CHRM3: variants seen among roughly 807,000 people sequenced by gnomAD.
CHRM3 encodes the protein muscarinic acetylcholine receptor M3.
Under a neutral mutation model 41.8 loss-of-function variants are expected in CHRM3, and 11 were observed. The observed-to-expected ratio is 0.26, with a 90% CI of 0.17 to 0.44. CHRM3 has a LOEUF of 0.44. Ranked by LOEUF, CHRM3 falls within the 20% of genes least tolerant of loss-of-function variation. CHRM3 has a pLI of 1.00. For missense variants in CHRM3, 571 were observed against 745.4 expected (o/e 0.77, Z 2.72); for synonymous variants, 297 against 301.4 (o/e 0.99, Z 0.15).
At chr1:239,676,048 C>T (rs1290633137) in intron 4 of CHRM3, among the ~76,000 whole-genome samples, 2 of 152,182 alleles carry the variant, frequency 1.3e-5, no homozygotes, top group Non-Finnish European at 2.9e-5. Flanking sequence ...CCCGCATATC[C>T]ATGCCCACTA....
intron 5 of CHRM3, chr1:239,826,821 G>A (rs899453471): frequency 5.9e-5 from 9 of 152,122 alleles, no homozygotes; most frequent in Non-Finnish European, 1.0e-4. Flanking sequence ...GAAAAGACAT[G>A]AACCAATAAA....
intron 5 of CHRM3, among the ~76,000 whole-genome samples, chr1:239,694,796 A>G (rs545516707): frequency 6.6e-6 from 1 of 152,348 alleles, no homozygotes; most frequent in African/African-American, 2.4e-5. Flanking sequence ...TTTTCAATAT[A>G]AACAAAAATC....
chr1:239,404,683 G>C (rs1660427447), intron 1 of CHRM3, among the ~76,000 whole-genome samples: 1 of 137,230 alleles, frequency 7.3e-6, no homozygotes, highest in African/African-American at 2.7e-5. Flanking sequence ...AAATTAAGTT[G>C]AAACCGCTTC....
At chr1:239,488,411 G>A (rs149369806) in intron 1 of CHRM3, among the ~76,000 whole-genome samples, 92 of 152,108 alleles carry the variant, frequency 6.0e-4, no homozygotes, top group African/African-American at 2.0e-3. Context: ...TGGAATTAAA[G>A]CAATTAAAAA....
chr1:239,751,155 T>C (rs1665787422), intron 5 of CHRM3, among the ~76,000 whole-genome samples: 1 of 151,780 alleles, frequency 6.6e-6, no homozygotes, highest in Non-Finnish European at 1.5e-5. Flanking sequence ...GGAGAATTGC[T>C]TGAACCCGGG....
intron 3 of CHRM3, among the ~76,000 whole-genome samples, chr1:239,568,384 C>G (rs1661550175): frequency 6.6e-6 from 1 of 152,136 alleles, no homozygotes; most frequent in African/African-American, 2.4e-5. Context: ...AGGGGAGACC[C>G]TTTTCGCTTG....
chr1:239,437,567 C>T (rs1663371796), intron 1 of CHRM3, among the ~76,000 whole-genome samples: 2 of 152,186 alleles, frequency 1.3e-5, no homozygotes, highest in East Asian at 3.9e-4. Context: ...GACGGAGTCT[C>T]TCTCTGTCAC....
intron 5 of CHRM3, among the ~76,000 whole-genome samples, chr1:239,701,645 T>C (rs1660697388): frequency 6.6e-6 from 1 of 152,198 alleles, no homozygotes; most frequent in African/African-American, 2.4e-5. Flanking sequence ...TCCTAAAATA[T>C]CACATTCATC....
At chr1:239,635,550 A>G (rs1367971498) in intron 4 of CHRM3, among the ~76,000 whole-genome samples, 3 of 152,168 alleles carry the variant, frequency 2.0e-5, no homozygotes, top group Non-Finnish European at 2.9e-5. Flanking sequence ...ACCGCTCTCT[A>G]AATAACCACT....
intron 3 of CHRM3, among the ~76,000 whole-genome samples, chr1:239,585,346 G>A (rs925128090): frequency 9.2e-5 from 14 of 152,212 alleles, no homozygotes; most frequent in African/African-American, 3.4e-4. Context: ...GGTGTGAGTT[G>A]AGATATGTTT....
chr1:239,493,081 AG>A (rs1379324430), intron 2 of CHRM3, among the ~76,000 whole-genome samples: 6 of 152,266 alleles, frequency 3.9e-5, no homozygotes, highest in Admixed American at 3.3e-4. Flanking sequence ...AACTGAAGTT[AG>A]GCCACAGATT....
At chr1:239,682,143 A>T (rs770893924) in intron 5 of CHRM3, among the ~76,000 whole-genome samples, 21 of 152,212 alleles carry the variant, frequency 1.4e-4, no homozygotes, top group Non-Finnish European at 2.8e-4. Context: ...CACACTGAGC[A>T]TCTCTAGAGG....
rs1033904661 is a variant in CHRM3 at position 239,535,013 on chromosome 1, G to A, written c.-421-10628G>A. On this transcript the variant is annotated intron_variant, in intron 2 of 6. Transcript: ENST00000676153. ...CTAGGTGCTGGACATATAGTAGTGAGAAAGAGTCCCTGCCCTCAGGCAGCT... is the reference window on the plus strand; with the variant it reads ...CTAGGTGCTGGACATATAGTAGTGAAAAAGAGTCCCTGCCCTCAGGCAGCT... Among the ~76,000 whole-genome samples, 5 of 152,178 alleles carry A rather than the reference G, an allele frequency of 3.3e-5. No homozygotes were observed. In the South Asian group the frequency reaches 1.0e-3, roughly 31 times the overall value.
intron 5 of CHRM3, among the ~76,000 whole-genome samples, chr1:239,699,065 T>A (rs966425973): frequency 6.6e-6 from 1 of 152,212 alleles, no homozygotes; most frequent in Admixed American, 6.5e-5. Flanking sequence ...AGTTAACATA[T>A]TGGCATTTTT....
chr1:239,616,496 T>C (rs1368196886), intron 3 of CHRM3, among the ~76,000 whole-genome samples: 1 of 152,128 alleles, frequency 6.6e-6, no homozygotes, highest in Non-Finnish European at 1.5e-5. Flanking sequence ...CACTTACTAA[T>C]CAAAAATATC....
intron 6 of CHRM3, among the ~76,000 whole-genome samples, chr1:239,877,389 C>A (rs764187912): frequency 6.6e-6 from 1 of 150,862 alleles, no homozygotes; most frequent in East Asian, 2.0e-4. Flanking sequence ...CAAGGCCTGC[C>A]TGGTCAACAT....
chr1:239,771,840 A>G (rs1422940161), intron 5 of CHRM3, among the ~76,000 whole-genome samples: 3 of 152,236 alleles, frequency 2.0e-5, no homozygotes, highest in Non-Finnish European at 4.4e-5. Flanking sequence ...ATATGCAGAT[A>G]TGAAAAGCAG....
At chr1:239,471,763 G>A (rs566466572) in intron 1 of CHRM3, among the ~76,000 whole-genome samples, 2 of 152,274 alleles carry the variant, frequency 1.3e-5, no homozygotes, top group African/African-American at 4.8e-5. Context: ...TTGAGAGCAC[G>A]GCTGTGCAGT....
At chr1:239,558,540 C>T (rs1660581924) in intron 3 of CHRM3, among the ~76,000 whole-genome samples, 1 of 152,200 alleles carries the variant, frequency 6.6e-6, no homozygotes, top group Admixed American at 6.5e-5. Context: ...CGCATTTCAG[C>T]TTAACCTTGA....
Sources: allele counts gnomAD v4.1 joint callset (sites outside exome capture counted in the v4.1 genomes callset), GRCh38; gene constraint gnomAD v4.1.1; transcripts MANE v1.5; gene names NCBI Gene and HGNC (gene_info 2026-07-23, HGNC 2026-07-21).